GAPVD1: variants seen among roughly 807,000 people sequenced by gnomAD.
GAPVD1 encodes the protein GTPase activating protein and VPS9 domains 1.
GAPVD1 carries 35 observed loss-of-function variants against 155.5 expected under a neutral mutation model. That is an observed-to-expected ratio of 0.23 (90% CI 0.17 to 0.30). The LOEUF (loss-of-function observed/expected upper bound fraction) is 0.30. Among genes scored for constraint, GAPVD1 ranks in the 10% least tolerant of loss-of-function variants. GAPVD1 has a pLI of 1.00. For missense variants in GAPVD1, 1,429 were observed against 1,775.7 expected, an observed-to-expected ratio of 0.80 and a Z score of 3.51; for synonymous variants, 636 against 619.7, an observed-to-expected ratio of 1.03 and a Z score of -0.39.
Position 125,305,043 on chromosome 9 carries a change from A to G in GAPVD1, c.1030-20A>G. Reference sequence around the variant, plus strand: ...ATCTGTCTGTAGCTTATGTCTCCCTACCACTGCTTTGGGTTGCAGGTAGGC... The same window carrying G: ...ATCTGTCTGTAGCTTATGTCTCCCTGCCACTGCTTTGGGTTGCAGGTAGGC... On this transcript the variant is annotated intron_variant, in intron 5 of 27. Coordinates refer to ENST00000297933, the MANE Select transcript of GAPVD1 (RefSeq NM_001282680.3). 1 of 1,556,600 alleles carries G rather than the reference A, an allele frequency of 6.4e-7. No individual in the cohort carries two copies. The highest frequency in any genetic ancestry group is 8.9e-7 in the Non-Finnish European group (1 of 1,127,930).
chr9:125,330,977 A>G (rs1167595424), intron 13 of GAPVD1, among the ~76,000 whole-genome samples: 1 of 123,902 alleles, frequency 8.1e-6, no homozygotes, highest in Admixed American at 7.6e-5. Flanking sequence ...AGATTCTGTA[A>G]TCCTGAGGAT....
At chr9:125,303,236 C>G (rs1171509200) in intron 5 of GAPVD1, among the ~76,000 whole-genome samples, 1 of 151,964 alleles carries the variant, frequency 6.6e-6, no homozygotes, top group East Asian at 2.0e-4. Context: ...TCAGGCTGGT[C>G]TTAAACTCCT....
At chr9:125,307,293 T>A in intron 6 of GAPVD1, 120 bp from the exon 7 acceptor site, 13 of 643,504 alleles carry the variant, frequency 2.0e-5, no homozygotes, top group Non-Finnish European at 3.2e-5. Context: ...AAATTCAACA[T>A]CTTAAAAAAA....
At chr9:125,296,816 C>T (rs964467342) in intron 3 of GAPVD1, among the ~76,000 whole-genome samples, 1 of 151,876 alleles carries the variant, frequency 6.6e-6, no homozygotes, top group African/African-American at 2.4e-5. Context: ...CCTGCCACCA[C>T]GCCTGGTGAA....
rs1254518119 is a variant in GAPVD1 at position 125,302,720 on chromosome 9, A to G, written c.923A>G (p.Asp308Gly). 6.2e-7 allele frequency: 1 copy of G among 1,614,086 alleles called. No homozygotes were observed. Among genetic ancestry groups the G allele is most frequent in the Non-Finnish European group, 8.5e-7 (1 of 1,180,016 alleles). Residue 308 changes from aspartate (D) to glycine (G), a missense_variant, in exon 5 of 28, where the codon GAT (aspartate) becomes GGT (glycine). Physicochemically the swap from Asp to Gly is moderately conservative, Grantham distance 94. Coordinates refer to ENST00000297933, the MANE Select transcript of GAPVD1 (RefSeq NM_001282680.3). ...EVGEVRAMCT[D>G]LLLACFICPA... ...GGGGAGGTCAGGGCAATGTGTACTG[A>G]TCTCCTGTTGGCCTGCTTCATTTGT...
chr9:125,347,755 A>G lies in GAPVD1; in HGVS notation c.3169+814A>G, dbSNP rs569851620. Among the ~76,000 whole-genome samples, 397 of 152,226 alleles carry G rather than the reference A, an allele frequency of 2.6e-3. 1 individual carries two copies. Among genetic ancestry groups the G allele is most frequent in the Non-Finnish European group, 4.7e-3 (321 of 68,006 alleles). On this transcript the variant is annotated intron_variant, in intron 20 of 27. Transcript: ENST00000297933. The stretch of plus-strand genomic sequence containing the variant: ...AAAACAAACATAAATAGTATACTGC[A>G]TAAATATGTGTTTATGCTTATATGC...
At chr9:125,305,024 C>T (rs1386667018) in intron 5 of GAPVD1, 39 bp from the exon 6 acceptor site, 2 of 1,327,940 alleles carry the variant, frequency 1.5e-6, no homozygotes, top group Non-Finnish European at 2.2e-6. Flanking sequence ...GAGTATCTGT[C>T]TGTAGCTTAT....
intron 5 of GAPVD1, among the ~76,000 whole-genome samples, chr9:125,303,270 C>T (rs1564342208): frequency 2.0e-5 from 3 of 151,836 alleles, no homozygotes; most frequent in South Asian, 4.2e-4. Context: ...CCGCCCACCT[C>T]GGCTTCCCAA....
rs566809500 is a variant in GAPVD1 at position 125,285,067 on chromosome 9, A to G, written c.-149-10391A>G. Among the ~76,000 whole-genome samples the G allele has an allele frequency of 9.9e-5, 15 of 152,280 alleles. No individual in the cohort carries two copies. The East Asian group carries it at 2.9e-3, about 29-fold the overall frequency. Reference sequence around the variant, plus strand: ...ATATGCTTGCTTATCAGGGGTTGGCAGAGTTTTTCTGTGAAGGGCTAGATA... The same window carrying G: ...ATATGCTTGCTTATCAGGGGTTGGCGGAGTTTTTCTGTGAAGGGCTAGATA... On this transcript the variant is annotated intron_variant, in intron 2 of 27. Transcript: ENST00000297933.
chr9:125,307,268 CAAA>C (rs34896429), intron 6 of GAPVD1, 142 bp from the exon 7 acceptor site: 971 of 450,644 alleles, frequency 2.2e-3, no homozygotes, highest in South Asian at 3.6e-3. Flanking sequence ...AACTTTGTCT[CAAA>C]AAAAAAAAAA....
intron 9 of GAPVD1, among the ~76,000 whole-genome samples, chr9:125,317,777 G>C (rs557609591): frequency 3.2e-4 from 49 of 151,332 alleles, no homozygotes; most frequent in Non-Finnish European, 6.3e-4. Flanking sequence ...AGAAAACCAA[G>C]AGAACAAGGT....
At chr9:125,307,378 G>T in intron 6 of GAPVD1, 35 bp from the exon 7 acceptor site, 1 of 1,492,682 alleles carries the variant, frequency 6.7e-7, no homozygotes. Context: ...TATTTTAAAG[G>T]GAAATGTTTC....
rs10616987 is a variant in GAPVD1, at chr9:125,310,537, A to AT, written c.1442-1896dup. 4.0e-3 allele frequency among the ~76,000 whole-genome samples: 487 copies of AT among 122,228 alleles called. 2 individuals are homozygous for AT. Among genetic ancestry groups the AT allele is most frequent in the East Asian group, 5.5e-3 (24 of 4,356 alleles). 80.2% of individuals were successfully genotyped at this position (122,228 alleles called of 152,430 possible). ...AAGAAAATAGAAACTTTTTTTCTTG[A>AT]TTTTTTTTTTTTTTTTTTTGAGGCG... On this transcript the variant is annotated intron_variant, in intron 8 of 27. Transcript: ENST00000297933.
At chr9:125,320,603 T>G (rs935059891) in intron 9 of GAPVD1, among the ~76,000 whole-genome samples, 7 of 152,194 alleles carry the variant, frequency 4.6e-5, no homozygotes, top group African/African-American at 1.7e-4. Flanking sequence ...ATTTAGTATG[T>G]TTAAAAATTT....
At chr9:125,284,309 T>G (rs1245961480) in intron 2 of GAPVD1, among the ~76,000 whole-genome samples, 2 of 150,276 alleles carry the variant, frequency 1.3e-5, no homozygotes, top group Non-Finnish European at 3.0e-5. Flanking sequence ...CTTAACCTCC[T>G]GAGTAGCTGG....
chr9:125,293,506 T>G (rs1269541984), intron 2 of GAPVD1, among the ~76,000 whole-genome samples: 1 of 146,510 alleles, frequency 6.8e-6, no homozygotes, highest in African/African-American at 2.5e-5. Context: ...CTGGAGTGCA[T>G]TGGTGTGATC....
intron 19 of GAPVD1, among the ~76,000 whole-genome samples, chr9:125,345,377 C>T (rs565183454): frequency 2.0e-5 from 3 of 152,166 alleles, no homozygotes; most frequent in Admixed American, 6.5e-5. Context: ...GTTGGGGTTT[C>T]GCCATGTTGG....
chr9:125,300,549 T>G (rs182822959), intron 4 of GAPVD1, among the ~76,000 whole-genome samples: 4 of 152,236 alleles, frequency 2.6e-5, no homozygotes, highest in Admixed American at 2.6e-4. Flanking sequence ...GAATACATAC[T>G]GTATGATTCT....
At chr9:125,353,507 G>A (rs2132476349) in intron 23 of GAPVD1, among the ~76,000 whole-genome samples, 1 of 152,128 alleles carries the variant, frequency 6.6e-6, no homozygotes, top group South Asian at 2.1e-4. Context: ...TGTCTTTTTA[G>A]CAGTACCCCA....
Sources: allele counts gnomAD v4.1 joint callset (sites outside exome capture counted in the v4.1 genomes callset), GRCh38; gene constraint gnomAD v4.1.1; transcripts MANE v1.5; gene names NCBI Gene and HGNC (gene_info 2026-07-23, HGNC 2026-07-21).